Variants in RIMS2 observed in about 807,000 individuals in gnomAD.
The protein encoded by RIMS2 is regulating synaptic membrane exocytosis protein 2.
A neutral mutation model predicts 174.4 loss-of-function variants in RIMS2; 59 were observed. That is an observed-to-expected ratio of 0.34 (90% CI 0.27 to 0.42). The LOEUF is 0.42. Ranked by LOEUF, RIMS2 falls within the 10% of genes least tolerant of loss-of-function variation. RIMS2 has a pLI of 1.00. For missense variants in RIMS2, 1,620 were observed against 1,666.3 expected, an observed-to-expected ratio of 0.97 and a Z score of 0.48; for synonymous variants, 606 against 572.5, an observed-to-expected ratio of 1.06 and a Z score of -0.84.
intron 19 of RIMS2, among the ~76,000 whole-genome samples, chr8:104,035,595 T>C (rs1174538777): frequency 6.6e-6 from 1 of 151,998 alleles, no homozygotes; most frequent in East Asian, 1.9e-4. Flanking sequence ...AGTATTTTGT[T>C]AGTGAATTTT....
intron 14 of RIMS2, among the ~76,000 whole-genome samples, chr8:103,948,179 AGAT>A (rs2084308987): frequency 6.6e-6 from 1 of 152,240 alleles, no homozygotes; most frequent in South Asian, 2.1e-4. Context: ...TAAAAAAGAA[AGAT>A]GATAACAAAT....
Position 103,697,273 on chromosome 8 carries a change from C to T in RIMS2, c.364C>T (p.Arg122Ter), listed in dbSNP as rs759257292. Residue 122 changes from arginine to a stop codon, truncating the protein, a stop_gained, in exon 2 of 24, where the codon CGA becomes TGA. Transcript: ENST00000504942. LOFTEE classifies it high-confidence loss of function. ...AAAGTTCTGTGCTCGTTGTGGAGGT[C>T]GAGTGTCATTACGCTCAAACAAGGT... 1.2e-6 allele frequency: 2 copies of T among 1,613,056 alleles called. No homozygotes were observed. Among genetic ancestry groups the T allele is most frequent in the Non-Finnish European group, 1.7e-6 (2 of 1,179,278 alleles).
At chr8:104,154,631 G>T (rs543725132) in intron 19 of RIMS2, among the ~76,000 whole-genome samples, 1 of 152,150 alleles carries the variant, frequency 6.6e-6, no homozygotes, top group East Asian at 1.9e-4. Context: ...TAAAAACAGG[G>T]ACTTACTTGT....
chr8:104,000,316 C>T (rs950724405), intron 17 of RIMS2, among the ~76,000 whole-genome samples: 2 of 151,682 alleles, frequency 1.3e-5, no homozygotes, highest in Non-Finnish European at 3.0e-5. Flanking sequence ...TCTTTCCGTG[C>T]CTAGCTTATT....
At chr8:103,912,500 T>A (rs906596598) in intron 6 of RIMS2, among the ~76,000 whole-genome samples, 5 of 152,108 alleles carry the variant, frequency 3.3e-5, no homozygotes, top group African/African-American at 1.2e-4. Context: ...ATGTTTATAT[T>A]TTATTAAAGT....
intron 14 of RIMS2, among the ~76,000 whole-genome samples, chr8:103,960,369 T>G (rs1190026092): frequency 6.6e-6 from 1 of 152,220 alleles, no homozygotes; most frequent in Non-Finnish European, 1.5e-5. Context: ...GCTCTTGAAT[T>G]GTAATAACTA....
intron 19 of RIMS2, among the ~76,000 whole-genome samples, chr8:104,145,711 A>AAATAAATAAATT (rs1274276098): frequency 2.7e-5 from 4 of 150,870 alleles, no homozygotes; most frequent in Middle Eastern, 3.2e-3. Flanking sequence ...ATAAATAAAT[A>AAATAAATAAATT]AATTCGCCGG....
At chr8:103,977,153 TTTA>T (rs2093516570) in intron 16 of RIMS2, 2 of 152,224 alleles carry the variant, frequency 1.3e-5, no homozygotes, top group Admixed American at 6.5e-5. Flanking sequence ...CAGCTTTAGA[TTTA>T]TTATGTTTGA....
At chr8:103,726,399 A>G (rs1356292978) in intron 2 of RIMS2, among the ~76,000 whole-genome samples, 1 of 152,132 alleles carries the variant, frequency 6.6e-6, no homozygotes, top group Non-Finnish European at 1.5e-5. Context: ...ATGAAGTCCA[A>G]TTTATTAACT....
intron 19 of RIMS2, among the ~76,000 whole-genome samples, chr8:104,113,047 T>C (rs1162235275): frequency 2.0e-5 from 3 of 152,166 alleles, no homozygotes; most frequent in African/African-American, 4.8e-5. Context: ...ATTCTTAAAA[T>C]TGTAACATAG....
chr8:103,864,174 A>G (rs1318538287), intron 3 of RIMS2, among the ~76,000 whole-genome samples: 1 of 151,038 alleles, frequency 6.6e-6, no homozygotes, highest in African/African-American at 2.4e-5. Flanking sequence ...TTTTTGTCTC[A>G]GTTTCATTTA....
At chr8:103,502,344 A>G (rs1820671770) in intron 1 of RIMS2, among the ~76,000 whole-genome samples, 1 of 152,216 alleles carries the variant, frequency 6.6e-6, no homozygotes, top group African/African-American at 2.4e-5. Context: ...GAAAAATACC[A>G]CTTTAAATAA....
chr8:104,192,299 T>C (rs1389411368), intron 19 of RIMS2, among the ~76,000 whole-genome samples: 1 of 152,160 alleles, frequency 6.6e-6, no homozygotes, highest in East Asian at 1.9e-4. Flanking sequence ...AGTGCTAGTC[T>C]GAATTATTTT....
In RIMS2 at chr8:103,824,088, A is replaced by G. The variant is rs2098771108; in HGVS notation, c.698+57551A>G. ...GTGTGTCATTAGTATTTTCACTAGA[A>G]TATTTACTGTGGACCTTAGCAATAT... is the stretch of plus-strand genomic sequence containing the variant. On this transcript the variant is annotated intron_variant, in intron 3 of 23. Coordinates refer to ENST00000504942, the Ensembl canonical transcript of RIMS2. Among the ~76,000 whole-genome samples, 3 of 152,104 alleles carry G rather than the reference A, an allele frequency of 2.0e-5. No individual in the cohort carries two copies. The South Asian group carries it at 6.2e-4, about 32-fold the overall frequency.
At chr8:104,243,260 G>T (rs1430038428) in intron 19 of RIMS2, among the ~76,000 whole-genome samples, 1 of 152,142 alleles carries the variant, frequency 6.6e-6, no homozygotes, top group Non-Finnish European at 1.5e-5. Flanking sequence ...GCATTTTGGT[G>T]TACCTTAATG....
intron 3 of RIMS2, among the ~76,000 whole-genome samples, chr8:103,812,351 T>C (rs2098693779): frequency 6.8e-6 from 1 of 147,382 alleles, no homozygotes; most frequent in Non-Finnish European, 1.5e-5. Flanking sequence ...TTTTTTTTTT[T>C]TTTGTTGTTG....
downstream of RIMS2, chr8:104,253,332 A>G (rs563120191): frequency 2.0e-5 from 3 of 152,324 alleles, no homozygotes; most frequent in South Asian, 2.1e-4. Context: ...CTATGTGAAT[A>G]GAAGCACTGC....
intron 19 of RIMS2, 90 bp downstream of exon 21, chr8:104,014,705 C>T: frequency 2.9e-6 from 2 of 692,380 alleles, no homozygotes; most frequent in East Asian, 5.4e-5. Flanking sequence ...TGTTAATTTT[C>T]TTCTTTTGTT....
At chr8:104,135,649 T>C (rs984207467) in intron 19 of RIMS2, among the ~76,000 whole-genome samples, 1 of 149,084 alleles carries the variant, frequency 6.7e-6, no homozygotes, top group Admixed American at 6.8e-5. Flanking sequence ...TGCTGAAATG[T>C]TGAGATGTAC....
Sources: allele counts gnomAD v4.1 joint callset (sites outside exome capture counted in the v4.1 genomes callset), GRCh38; gene constraint gnomAD v4.1.1; transcripts MANE v1.5; gene names NCBI Gene and HGNC (gene_info 2026-07-23, HGNC 2026-07-21).